The following RPS6KC1 variants were observed in gnomAD, a reference collection of about 807,000 sequenced individuals.
RPS6KC1 encodes ribosomal protein S6 kinase C1, also known as inactive ribosomal protein S6 kinase delta-1.
RPS6KC1 carries 54 observed loss-of-function variants against 103.8 expected under a neutral mutation model. The observed-to-expected ratio is 0.52, with a 90% CI of 0.42 to 0.65. The LOEUF (loss-of-function observed/expected upper bound fraction) is 0.65, where lower values mean the gene tolerates loss of function less well. Ranked by LOEUF, RPS6KC1 falls within the 30% of genes least tolerant of loss-of-function variation. RPS6KC1 has a pLI of 0.00. For synonymous variants in RPS6KC1, 439 were observed against 438.7 expected, an observed-to-expected ratio of 1.00 and a Z score of -0.01; for missense variants, 1,151 against 1,253.8, an observed-to-expected ratio of 0.92 and a Z score of 1.24.
At chr1:213,361,273 AGCCTTGCTGAC>A in the RPS6KC1 span, among the ~76,000 whole-genome samples, 1 of 152,154 alleles carries the variant, frequency 6.6e-6, no homozygotes, top group African/African-American at 2.4e-5. Flanking sequence ...GCCCTCCCCC[AGCCTTGCTGAC>A]GCCTTGCAGT....
chr1:213,838,649 C>G, the RPS6KC1 span, among the ~76,000 whole-genome samples: 1 of 152,104 alleles, frequency 6.6e-6, no homozygotes, highest in South Asian at 2.1e-4. Context: ...TTACTTGCAA[C>G]CTAAATGAGA....
the RPS6KC1 span, among the ~76,000 whole-genome samples, chr1:213,859,723 G>A: frequency 6.6e-6 from 1 of 152,166 alleles, no homozygotes. Context: ...ACTTTGGAGA[G>A]TGCTTTACAG....
the RPS6KC1 span, among the ~76,000 whole-genome samples, chr1:213,345,936 A>G: frequency 6.6e-6 from 1 of 152,202 alleles, no homozygotes; most frequent in African/African-American, 2.4e-5. Context: ...GCAGCTGTCT[A>G]GTGCCTTCAA....
chr1:213,134,606 C>A (rs1276869672), intron 6 of RPS6KC1, among the ~76,000 whole-genome samples: 1 of 152,066 alleles, frequency 6.6e-6, no homozygotes, highest in East Asian at 1.9e-4. Flanking sequence ...GCTAGGCTAT[C>A]AGGGATGTCC....
the RPS6KC1 span, among the ~76,000 whole-genome samples, chr1:213,718,133 T>G: frequency 6.6e-6 from 1 of 152,236 alleles, no homozygotes; most frequent in Admixed American, 6.5e-5. Flanking sequence ...GAGCAAATTA[T>G]TTTTTGCTAA....
the RPS6KC1 span, among the ~76,000 whole-genome samples, chr1:213,759,493 C>T: frequency 6.6e-6 from 1 of 152,162 alleles, no homozygotes. Context: ...TATGGGCCAC[C>T]CTAACCATGC....
At chr1:213,412,802 A>T in the RPS6KC1 span, among the ~76,000 whole-genome samples, 1 of 152,040 alleles carries the variant, frequency 6.6e-6, no homozygotes, top group Admixed American at 6.5e-5. Flanking sequence ...TGTTATTCCC[A>T]TTGCCTCTGT....
the RPS6KC1 span, among the ~76,000 whole-genome samples, chr1:213,577,907 C>T: frequency 6.6e-6 from 1 of 152,226 alleles, no homozygotes; most frequent in Admixed American, 6.5e-5. Context: ...TTCAAGTTGG[C>T]TGCATACATT....
chr1:213,713,639 A>G, the RPS6KC1 span, among the ~76,000 whole-genome samples: 1 of 152,188 alleles, frequency 6.6e-6, no homozygotes, highest in African/African-American at 2.4e-5. Context: ...CACCCAAACT[A>G]GCTGTTTTAC....
the RPS6KC1 span, among the ~76,000 whole-genome samples, chr1:213,456,557 A>C: frequency 6.6e-6 from 1 of 152,136 alleles, no homozygotes; most frequent in Non-Finnish European, 1.5e-5. Context: ...TATCTGCCAC[A>C]TGAAGGTCCC....
the RPS6KC1 span, among the ~76,000 whole-genome samples, chr1:213,752,002 A>G: frequency 6.6e-6 from 1 of 152,350 alleles, no homozygotes; most frequent in South Asian, 2.1e-4. Context: ...CAGCAGTTTT[A>G]TGATCTCTAA....
chr1:213,148,854 T>C (rs971894989), intron 6 of RPS6KC1, among the ~76,000 whole-genome samples: 4 of 152,084 alleles, frequency 2.6e-5, no homozygotes, highest in Non-Finnish European at 5.9e-5. Flanking sequence ...AATCTCATTA[T>C]CTGTTATTGG....
At chr1:213,492,913 T>C in the RPS6KC1 span, among the ~76,000 whole-genome samples, 1 of 152,208 alleles carries the variant, frequency 6.6e-6, no homozygotes, top group Non-Finnish European at 1.5e-5. Flanking sequence ...AGAGGGCTGC[T>C]CTGAGCTGGT....
At chr1:213,181,194 CTG>C (rs953473212) in intron 8 of RPS6KC1, among the ~76,000 whole-genome samples, 52 of 152,318 alleles carry the variant, frequency 3.4e-4, no homozygotes, top group African/African-American at 1.2e-3. Context: ...CTGAGTCATT[CTG>C]TGTGTACATG....
the RPS6KC1 span, among the ~76,000 whole-genome samples, chr1:213,700,699 T>C: frequency 6.6e-6 from 1 of 152,112 alleles, no homozygotes; most frequent in East Asian, 1.9e-4. Context: ...GTGAAATATC[T>C]TTCCAGTTTT....
Position 213,129,614 on chromosome 1 carries a change from A to T in RPS6KC1, c.560A>T (p.Asn187Ile). 1 of 1,614,028 alleles carries T rather than the reference A, an allele frequency of 6.2e-7. No homozygotes were observed. The highest frequency in any genetic ancestry group is 8.5e-7 in the Non-Finnish European group (1 of 1,179,946). ...ELDDGMASNQ[N>I]SPIRTFGLNL... The stretch of plus-strand genomic sequence containing the variant: ...GATGATGGAATGGCTTCCAATCAAA[A>T]TTCTCCCATTAGAACTTTTGGTCTC... The change falls in exon 6 of 15, where the codon AAT becomes ATT. Residue 187 changes from asparagine to isoleucine, a missense_variant. Asn to Ile is a moderately radical substitution (Grantham distance 149). Coordinates refer to ENST00000366960, the MANE Select transcript of RPS6KC1 (RefSeq NM_012424.6).
the RPS6KC1 span, among the ~76,000 whole-genome samples, chr1:213,475,565 C>T: frequency 6.6e-6 from 1 of 152,124 alleles, no homozygotes; most frequent in African/African-American, 2.4e-5. Context: ...GGTGGAGCTG[C>T]CTGGCTACAT....
chr1:213,195,615 C>T (rs1296534572), intron 8 of RPS6KC1, among the ~76,000 whole-genome samples: 2 of 152,066 alleles, frequency 1.3e-5, no homozygotes. Flanking sequence ...ACTGCCCTTC[C>T]AGCCTTTCTC....
chr1:213,407,925 C>T, the RPS6KC1 span, among the ~76,000 whole-genome samples: 10,392 of 152,230 alleles, frequency 0.068, 417 homozygotes, highest in Non-Finnish European at 0.087. Flanking sequence ...TGGTTGTATA[C>T]GTGGCCCTTA....
Sources: allele counts gnomAD v4.1 joint callset (sites outside exome capture counted in the v4.1 genomes callset), GRCh38; gene constraint gnomAD v4.1.1; transcripts MANE v1.5; gene names NCBI Gene and HGNC (gene_info 2026-07-23, HGNC 2026-07-21).